Variants in DBR1 observed in about 807,000 individuals in gnomAD.
DBR1 encodes the protein debranching RNA lariats 1, also known as lariat debranching enzyme.
Under a neutral mutation model 45.9 loss-of-function variants are expected in DBR1, and 33 were observed. The ratio of observed to expected loss-of-function variants is 0.72; its 90% confidence interval spans 0.55 to 0.96. The LOEUF (loss-of-function observed/expected upper bound fraction) is 0.96, where lower values mean the gene tolerates loss of function less well. Ranked by LOEUF, DBR1 falls within the 40% of genes least tolerant of loss-of-function variation. DBR1 has a pLI of 0.00. For synonymous variants in DBR1, 235 were observed against 235.9 expected (o/e 1.00, Z 0.04); for missense variants, 619 against 667.4 (o/e 0.93, Z 0.80).
At position 138,163,432 on chromosome 3, in the gene DBR1, G is replaced by A. The variant is rs1293721585; in HGVS notation, c.858C>T (p.Leu286=). ...GATCATCCGTAGCCCTGAGAATAGT[G>A]AGCCATTCAATATCATATTCCAAGT... ...PDYLEYDIEW[L]TILRATDDLI... Residue 286 remains leucine (L), a synonymous_variant, in exon 7 of 8, where the codon CTC becomes CTT. Transcript: ENST00000260803. 1.2e-6 allele frequency: 2 copies of A among 1,613,006 alleles called. No homozygotes were observed. The highest frequency in any genetic ancestry group is 1.7e-5 in the Admixed American group (1 of 59,990).
chr3:138,167,352 T>A, intron 4 of DBR1, 47 bp from the exon 5 acceptor site: 1 of 1,331,950 alleles, frequency 7.5e-7, no homozygotes, highest in Non-Finnish European at 1.0e-6. Flanking sequence ...TAAAACAGAT[T>A]AACCAAAACA....
intron 1 of DBR1, among the ~76,000 whole-genome samples, chr3:138,173,978 G>A (rs9850191): frequency 5.7e-4 from 84 of 148,368 alleles, no homozygotes; most frequent in Admixed American, 3.3e-3. Flanking sequence ...TCAATATCGC[G>A]GTACTGCACT....
intron 2 of DBR1, 57 bp downstream of exon 2, chr3:138,173,445 T>C: frequency 6.3e-7 from 1 of 1,589,744 alleles, no homozygotes; most frequent in Non-Finnish European, 8.6e-7. Flanking sequence ...CTAACGCAAA[T>C]CCTGATAAGC....
intron 4 of DBR1, among the ~76,000 whole-genome samples, chr3:138,169,050 G>GA (rs2107904712): frequency 6.6e-6 from 1 of 152,256 alleles, no homozygotes; most frequent in East Asian, 1.9e-4. Context: ...AGGTGAAAGA[G>GA]AAAATCTATT....
chr3:138,174,192 G>C (rs973341444), intron 1 of DBR1, among the ~76,000 whole-genome samples: 1 of 152,048 alleles, frequency 6.6e-6, no homozygotes, highest in East Asian at 1.9e-4. Flanking sequence ...CACATAGCAG[G>C]GGCCCAGTAA....
rs142272005 is a variant in DBR1 at position 138,162,012 on chromosome 3, G to A, written c.1512C>T (p.Asp504=). 1.9e-4 allele frequency: 299 copies of A among 1,614,062 alleles called. No homozygotes were observed. The highest frequency in any genetic ancestry group is 1.8e-3 in the Middle Eastern group (11 of 6,062). The part of the protein sequence containing the change: ...GGTVESGNGE[D]LTKVPLKRLS... ...GCCTCTTCAATGGCACCTTGGTTAA[G>A]TCCTCTCCATTCCCTGACTCCACAG... Residue 504 remains aspartate (D), a synonymous_variant, in exon 8 of 8, where the codon GAC becomes GAT. Coordinates refer to ENST00000260803, the MANE Select transcript of DBR1 (RefSeq NM_016216.4).
At position 138,161,848 on chromosome 3, in the gene DBR1, A is replaced by G. The variant is rs1055025209; in HGVS notation, c.*41T>C. 6.5e-7 allele frequency: 1 copy of G among 1,540,348 alleles called. No homozygotes were observed. Among genetic ancestry groups the G allele is most frequent in the Non-Finnish European group, 8.9e-7 (1 of 1,119,274 alleles). ...GTGACAAGAGTGAAACTCCATCTCA[A>G]AAAAACAAAACAAACACAAAAACAA... On this transcript the variant is annotated 3_prime_UTR_variant, in exon 8 of 8. Transcript: ENST00000260803.
intron 1 of DBR1, 107 bp from the exon 2 acceptor site, chr3:138,173,733 T>C: frequency 7.5e-7 from 1 of 1,335,860 alleles, no homozygotes; most frequent in Non-Finnish European, 1.0e-6. Flanking sequence ...GTTAAAAAGC[T>C]CTTTCAAAAG....
rs1246438245 is a variant in DBR1, at chr3:138,171,535, G to A, written c.403+98C>T. On this transcript the variant is annotated intron_variant, in intron 3 of 7. Transcript: ENST00000260803. ...TAAGACTTGATAAAACTATATCGAG[G>A]ATACAAAGATATATGAAAGAGTCAA... The A allele has an allele frequency of 1.4e-5, 8 of 585,952 alleles. No homozygotes were observed. The East Asian group carries it at 2.3e-4, about 17-fold the overall frequency. 36.3% of individuals were successfully genotyped at this position (585,952 alleles called of 1,614,324 possible). A position where few individuals can be genotyped will look rare whatever the true frequency, so the allele number is the denominator to read the frequency against.
At chr3:138,171,762 C>T (rs756370873) in intron 2 of DBR1, 49 bp from the exon 3 acceptor site, 2 of 1,320,746 alleles carry the variant, frequency 1.5e-6, no homozygotes, top group African/African-American at 1.4e-5. Flanking sequence ...GGAATCTCTA[C>T]ACCGACTGAA....
At position 138,167,177 on chromosome 3, in the gene DBR1, T is replaced by A; in HGVS notation, c.618A>T (p.Gly206=). ...CTAAAAGCTCTGAGGCAGCTGGACT[T>A]CCTAATGTGTTATTTTCCACTTCTT... is the stretch of plus-strand genomic sequence containing the variant. ...FRQEVENNTL[G]SPAASELLEH... The change falls in exon 5 of 8, where the codon GGA becomes GGT. Residue 206 remains glycine, a synonymous_variant. Coordinates refer to ENST00000260803, the MANE Select transcript of DBR1 (RefSeq NM_016216.4). 6.2e-7 allele frequency: 1 copy of A among 1,614,142 alleles called. No individual in the cohort carries two copies. The highest frequency in any genetic ancestry group is 8.5e-7 in the Non-Finnish European group (1 of 1,180,020).
intron 5 of DBR1, 53 bp from the exon 6 acceptor site, chr3:138,163,911 A>T: frequency 8.1e-7 from 1 of 1,229,782 alleles, no homozygotes; most frequent in Non-Finnish European, 1.2e-6. Flanking sequence ...ACCACAGGTA[A>T]TTCTTCATAC....
rs764230719 is a variant in DBR1 at position 138,162,487 on chromosome 3, G to C, written c.1037C>G (p.Ala346Gly). 7 of 1,614,016 alleles carry C rather than the reference G, an allele frequency of 4.3e-6. 1 individual carries two copies. The highest frequency in any genetic ancestry group is 5.9e-6 in the Non-Finnish European group (7 of 1,180,024). ...KVPCNFSVTAACYDPSKPQTQ... is the reference protein window; with the variant it reads ...KVPCNFSVTAGCYDPSKPQTQ... ...CTGTGGCTTGCTAGGATCATAACAA[G>C]CAGCTGTTACACTAAAGTTACATGG... is the stretch of plus-strand genomic sequence containing the variant. Residue 346 changes from alanine to glycine, a missense_variant, in exon 8 of 8, where the codon GCT becomes GGT. Ala to Gly is a moderately conservative substitution (Grantham distance 60, BLOSUM62 0). Transcript: ENST00000260803.
In DBR1 at chr3:138,165,861, A is replaced by C. The variant is rs147530852; in HGVS notation, c.714+1220T>G. Among the ~76,000 whole-genome samples, 845 of 152,360 alleles carry C rather than the reference A, an allele frequency of 5.5e-3. 10 individuals carry two copies. The highest frequency in any genetic ancestry group is 0.019 in the African/African-American group (790 of 41,590). Reference sequence around the variant, plus strand: ...GTGGCAGTCAGAGGAAGTTGAGGAGACAATTACAAAGAGGTCAAACATATT... The same window carrying C: ...GTGGCAGTCAGAGGAAGTTGAGGAGCCAATTACAAAGAGGTCAAACATATT... On this transcript the variant is annotated intron_variant, in intron 5 of 7. Transcript: ENST00000260803.
At chr3:138,162,713 G>C (rs2042913780) in intron 7 of DBR1, 131 bp from the exon 8 acceptor site, 3 of 818,642 alleles carry the variant, frequency 3.7e-6, no homozygotes, top group South Asian at 1.9e-5. Context: ...TTTAAAGTTA[G>C]AGTTAATTTA....
chr3:138,170,261 A>G (rs2042948368), intron 3 of DBR1, 69 bp from the exon 4 acceptor site: 2 of 950,270 alleles, frequency 2.1e-6, no homozygotes, highest in Admixed American at 2.4e-5. Context: ...AGACATATAC[A>G]CAGGTCTCCA....
At chr3:138,166,377 TC>T in intron 5 of DBR1, among the ~76,000 whole-genome samples, 1 of 152,342 alleles carries the variant, frequency 6.6e-6, no homozygotes, top group South Asian at 2.1e-4. Context: ...ACTTCTTTCC[TC>T]CCTCAGTCAC....
intron 3 of DBR1, 64 bp downstream of exon 3, chr3:138,171,569 T>TC: frequency 1.0e-6 from 1 of 973,530 alleles, no homozygotes; most frequent in Non-Finnish European, 1.6e-6. Flanking sequence ...AAAGTACATA[T>TC]CATGCTTAAC....
At chr3:138,165,763 T>C (rs1385556846) in intron 5 of DBR1, among the ~76,000 whole-genome samples, 2 of 152,028 alleles carry the variant, frequency 1.3e-5, no homozygotes, top group East Asian at 3.9e-4. Flanking sequence ...ATGGAGATTA[T>C]AGGCAGATAT....
Sources: gnomAD v4.1 joint callset for allele counts (sites outside exome capture counted in the v4.1 genomes callset) on GRCh38, gnomAD v4.1.1 for gene constraint, MANE v1.5 for transcripts, NCBI Gene and HGNC (gene_info 2026-07-23, HGNC 2026-07-21) for gene names.